Variants in TENM3 observed in about 807,000 individuals in gnomAD.
The protein encoded by TENM3 is teneurin-3.
TENM3 carries 63 observed loss-of-function variants against 255.1 expected under a neutral mutation model. The observed-to-expected ratio is 0.25, with a 90% confidence interval of 0.20 to 0.30. TENM3 has a LOEUF of 0.30. TENM3 is among the 10% of genes least tolerant of loss of function. The pLI is 1.00. For synonymous variants in TENM3, 1,306 were observed against 1,322.3 expected, an observed-to-expected ratio of 0.99 and a Z score of 0.27; for missense variants, 2,929 against 3,461.1, an observed-to-expected ratio of 0.85 and a Z score of 3.86.
chr4:181,465,527 T>A, the TENM3 span, among the ~76,000 whole-genome samples: 1 of 152,142 alleles, frequency 6.6e-6, no homozygotes, highest in Non-Finnish European at 1.5e-5. Context: ...CAAATGCAAA[T>A]AACTACATAA....
chr4:182,407,424 C>G (rs1769655366), intron 3 of TENM3, among the ~76,000 whole-genome samples: 1 of 152,030 alleles, frequency 6.6e-6, no homozygotes, highest in African/African-American at 2.4e-5. Context: ...GGAAGTGTGA[C>G]CCTTGAAACC....
At chr4:182,382,282 T>C (rs549566779) in intron 3 of TENM3, among the ~76,000 whole-genome samples, 12 of 152,252 alleles carry the variant, frequency 7.9e-5, no homozygotes, top group African/African-American at 2.9e-4. Flanking sequence ...GTCAGTAATT[T>C]CTCTTGATTT....
chr4:182,404,729 G>A (rs569905288), intron 3 of TENM3, among the ~76,000 whole-genome samples: 7 of 152,202 alleles, frequency 4.6e-5, no homozygotes, highest in Non-Finnish European at 5.9e-5. Context: ...ATTCATTAAT[G>A]CATTCACTTA....
the TENM3 span, among the ~76,000 whole-genome samples, chr4:181,720,013 T>A: frequency 0.98 from 148,615 of 152,320 alleles, 72,612 homozygotes; most frequent in East Asian, 1. Context: ...CTCAAAAGAC[T>A]TCAATACCTT....
chr4:182,367,261 AT>A (rs1272741268), intron 3 of TENM3, among the ~76,000 whole-genome samples: 1 of 152,156 alleles, frequency 6.6e-6, no homozygotes. Context: ...CAGTGGTAGC[AT>A]TGTAAGGAGG....
the TENM3 span, among the ~76,000 whole-genome samples, chr4:181,659,022 G>A: frequency 6.6e-6 from 1 of 152,116 alleles, no homozygotes; most frequent in African/African-American, 2.4e-5. Context: ...GTATTCCTAG[G>A]CTCTGGATGT....
the TENM3 span, among the ~76,000 whole-genome samples, chr4:181,877,835 A>G: frequency 1.3e-5 from 2 of 152,306 alleles, no homozygotes; most frequent in East Asian, 3.9e-4. Context: ...GTTGTCAAAT[A>G]GCCACATCTA....
the TENM3 span, among the ~76,000 whole-genome samples, chr4:181,573,030 A>G: frequency 3.7e-5 from 5 of 133,930 alleles, no homozygotes; most frequent in Non-Finnish European, 6.6e-5. Flanking sequence ...CACTTAACAT[A>G]ATGACCCTCT....
At chr4:181,605,720 A>G in the TENM3 span, among the ~76,000 whole-genome samples, 1 of 152,228 alleles carries the variant, frequency 6.6e-6, no homozygotes, top group Non-Finnish European at 1.5e-5. Context: ...CTAGAAAAGT[A>G]CTAGAATAGA....
At chr4:181,970,573 C>CTACATTTTAAA in the TENM3 span, among the ~76,000 whole-genome samples, 1 of 152,214 alleles carries the variant, frequency 6.6e-6, no homozygotes, top group African/African-American at 2.4e-5. Flanking sequence ...ATCAGTGATT[C>CTACATTTTAAA]ATAACCACCT....
chr4:182,307,525 C>T lies in TENM3; in HGVS notation c.-75-16421C>T, dbSNP rs1762205774. Among the ~76,000 whole-genome samples, 4 of 152,286 alleles carry T rather than the reference C, an allele frequency of 2.6e-5. 1 individual carries two copies. The South Asian group carries it at 8.3e-4, about 32-fold the overall frequency. On this transcript the variant is annotated intron_variant, in intron 1 of 27. Transcript: ENST00000511685. Reference sequence around the variant, plus strand: ...TATTTTCATGAATTTAGAGTCCTTTCCTTAATGCTCCATCCAAATTAAATT... The same window carrying T: ...TATTTTCATGAATTTAGAGTCCTTTTCTTAATGCTCCATCCAAATTAAATT...
chr4:182,057,408 C>CTTT, the TENM3 span, among the ~76,000 whole-genome samples: 1 of 132,546 alleles, frequency 7.5e-6, no homozygotes, highest in Non-Finnish European at 1.6e-5. Flanking sequence ...CTTTTCTTTT[C>CTTT]TTTTTTTTTT....
At chr4:182,628,984 T>A in intron 5 of TENM3, 95 bp downstream of exon 5, 1 of 766,614 alleles carries the variant, frequency 1.3e-6, no homozygotes, top group Non-Finnish European at 2.1e-6. Flanking sequence ...AAATATATTG[T>A]GAGATTATAT....
chr4:181,556,206 T>A, the TENM3 span, among the ~76,000 whole-genome samples: 118 of 152,302 alleles, frequency 7.7e-4, no homozygotes, highest in African/African-American at 2.7e-3. Context: ...TTTTCTTCCT[T>A]AAGATTATAG....
chr4:182,583,560 A>C (rs1281771317), intron 3 of TENM3, among the ~76,000 whole-genome samples: 1 of 152,090 alleles, frequency 6.6e-6, no homozygotes, highest in Non-Finnish European at 1.5e-5. Context: ...TCAAAGTAAA[A>C]ATATCAAATA....
intron 6 of TENM3, among the ~76,000 whole-genome samples, chr4:182,665,618 G>A (rs924786780): frequency 2.0e-5 from 3 of 152,120 alleles, no homozygotes; most frequent in African/African-American, 4.8e-5. Flanking sequence ...CCTGGAGGCT[G>A]GGCACGGTGG....
At chr4:182,278,391 A>AAAAGAC (rs1288856405) in intron 1 of TENM3, among the ~76,000 whole-genome samples, 1 of 152,094 alleles carries the variant, frequency 6.6e-6, no homozygotes, top group Non-Finnish European at 1.5e-5. Flanking sequence ...AAGAAAAAGA[A>AAAAGAC]AAAAAAGAAA....
intron 2 of TENM3, among the ~76,000 whole-genome samples, chr4:182,330,884 G>A: frequency 6.6e-6 from 1 of 152,194 alleles, no homozygotes; most frequent in East Asian, 1.9e-4. Context: ...GCAAAATCCA[G>A]CAGTTGGAGG....
intron 3 of TENM3, among the ~76,000 whole-genome samples, chr4:182,590,515 A>G (rs1323315788): frequency 6.7e-6 from 1 of 148,158 alleles, no homozygotes; most frequent in Non-Finnish European, 1.5e-5. Context: ...GCACATGCCC[A>G]GCAATAGAGC....
Sources: allele counts gnomAD v4.1 joint callset (sites outside exome capture counted in the v4.1 genomes callset), GRCh38; gene constraint gnomAD v4.1.1; transcripts MANE v1.5; gene names NCBI Gene and HGNC (gene_info 2026-07-23, HGNC 2026-07-21).